The following TMC5 variants were observed in gnomAD, a reference collection of about 807,000 sequenced individuals.
The protein encoded by TMC5 is transmembrane channel like 5.
TMC5 carries 86 observed loss-of-function variants against 110.5 expected under a neutral mutation model. The ratio of observed to expected loss-of-function variants is 0.78; its 90% CI spans 0.65 to 0.93. The LOEUF (loss-of-function observed/expected upper bound fraction) is 0.93. Among genes scored for constraint, TMC5 ranks in the 40% least tolerant of loss-of-function variants. The pLI is 0.00. For missense variants in TMC5, 1,144 were observed against 1,222.8 expected, an observed-to-expected ratio of 0.94 and a Z score of 0.96; for synonymous variants, 455 against 439.5, an observed-to-expected ratio of 1.04 and a Z score of -0.44.
chr16:19,437,036 A>C (rs1012737085), intron 2 of TMC5, among the ~76,000 whole-genome samples: 1 of 152,146 alleles, frequency 6.6e-6, no homozygotes, highest in Non-Finnish European at 1.5e-5. Flanking sequence ...TTAACCAGGC[A>C]TAGTGGTGCA....
chr16:19,482,783 G>A lies in TMC5; in HGVS notation c.2363+1318G>A, dbSNP rs568707054. Among the ~76,000 whole-genome samples the A allele has an allele frequency of 6.6e-5, 10 of 152,252 alleles. No homozygotes were observed. The South Asian group carries it at 2.1e-3, about 32-fold the overall frequency. On this transcript the variant is annotated intron_variant, in intron 15 of 21. Transcript: ENST00000542583. ...CTGCGTGCATTGAGAATAGCCAACTGGTTGCAGCAAATATTTTTACAAACT... is the reference window on the plus strand; with the variant it reads ...CTGCGTGCATTGAGAATAGCCAACTAGTTGCAGCAAATATTTTTACAAACT...
intron 2 of TMC5, among the ~76,000 whole-genome samples, chr16:19,437,958 C>T (rs987633454): frequency 6.6e-6 from 1 of 152,110 alleles, no homozygotes; most frequent in Non-Finnish European, 1.5e-5. Context: ...ACTCTGTGGC[C>T]AGGGGGATGG....
At chr16:19,474,398 T>TA (rs34072254) in intron 12 of TMC5, 122 bp downstream of exon 12, 34,433 of 1,200,778 alleles carry the variant, frequency 0.029, 1,272 homozygotes, top group African/African-American at 0.16. Flanking sequence ...ATTTCAAAAG[T>TA]AAGGTGTGGC....
intron 3 of TMC5, 67 bp from the exon 4 acceptor site, chr16:19,444,009 ATGGAT>A: frequency 7.3e-7 from 1 of 1,377,498 alleles, no homozygotes; most frequent in Non-Finnish European, 1.0e-6. Flanking sequence ...GGATGGATGG[ATGGAT>A]GGATGGATGG....
Position 19,440,814 on chromosome 16 carries a change from A to C in TMC5, c.776A>C (p.Lys259Thr). ...GHDYGSSETP[K>T]MTRGVLSRTS... ...GATTATGGCTCTTCTGAGACCCCAA[A>C]GATGACCAGGGGGTAAGTTCAGATA... Residue 259 changes from lysine (K) to threonine (T), a missense_variant, in exon 3 of 22, where the codon AAG becomes ACG. Lys to Thr is a moderately conservative substitution (Grantham distance 78). Coordinates refer to ENST00000542583, the MANE Select transcript of TMC5 (RefSeq NM_001261841.2). 6.2e-7 allele frequency: 1 copy of C among 1,612,956 alleles called. No homozygotes were observed. Among genetic ancestry groups the C allele is most frequent in the Non-Finnish European group, 8.5e-7 (1 of 1,179,646 alleles).
Position 19,436,295 on chromosome 16 carries a change from A to AAAAG in TMC5, c.-79-3665_-79-3664insAAAG, listed in dbSNP as rs1491247478. ...AAAGAAAAAAAAAAAGAAAGGAAAA[A>AAAAG]GAAAAAGAAAAACAGTTTCCGTGAA... On this transcript the variant is annotated intron_variant, in intron 2 of 21. Coordinates refer to ENST00000542583, the MANE Select transcript of TMC5 (RefSeq NM_001261841.2). 2.3e-4 allele frequency among the ~76,000 whole-genome samples: 35 copies of AAAAG among 150,782 alleles called. No homozygotes were observed. In the East Asian group the frequency reaches 5.4e-3, roughly 23 times the overall value.
chr16:19,468,998 A>C (rs894103304), intron 9 of TMC5, among the ~76,000 whole-genome samples: 6 of 152,080 alleles, frequency 3.9e-5, no homozygotes, highest in South Asian at 4.1e-4. Context: ...TCCCTAAACA[A>C]ACAGAAAACA....
At chr16:19,497,197 A>T in intron 21 of TMC5, 34 bp downstream of exon 21, 1 of 1,595,360 alleles carries the variant, frequency 6.3e-7, no homozygotes, top group Non-Finnish European at 8.6e-7. Context: ...ATAAGACACT[A>T]ATTTATTTCT....
At chr16:19,443,105 T>G (rs1164903789) in intron 3 of TMC5, among the ~76,000 whole-genome samples, 1 of 152,192 alleles carries the variant, frequency 6.6e-6, no homozygotes, top group African/African-American at 2.4e-5. Flanking sequence ...TGCCTTGACC[T>G]TATACTCTAG....
intron 6 of TMC5, among the ~76,000 whole-genome samples, chr16:19,461,446 C>A (rs561428472): frequency 2.5e-4 from 38 of 152,022 alleles, no homozygotes; most frequent in African/African-American, 8.2e-4. Context: ...TGGTGGCATG[C>A]GCCTGTAATC....
chr16:19,493,249 T>C (rs1035944602), intron 19 of TMC5, among the ~76,000 whole-genome samples: 4 of 150,908 alleles, frequency 2.7e-5, no homozygotes, highest in African/African-American at 4.9e-5. Context: ...GTGTGAGCCA[T>C]CGCCCCCAGC....
At chr16:19,411,120 G>T (rs1251074298) in exon 1 of TMC5, 2 of 152,302 alleles carry the variant, frequency 1.3e-5, no homozygotes, top group Admixed American at 1.3e-4. Flanking sequence ...GCAGGTGCAG[G>T]AAGAAAAGAA....
At chr16:19,463,402 A>G in intron 7 of TMC5, 35 bp downstream of exon 7, 2 of 1,504,774 alleles carry the variant, frequency 1.3e-6, no homozygotes, top group Non-Finnish European at 1.9e-6. Flanking sequence ...AAGAGGGTGA[A>G]AACAGGGAGG....
At chr16:19,476,221 C>T (rs1968485033) in intron 12 of TMC5, among the ~76,000 whole-genome samples, 1 of 152,018 alleles carries the variant, frequency 6.6e-6, no homozygotes, top group Admixed American at 6.6e-5. Context: ...GTGGATTGCA[C>T]CTGTAGTCCC....
intron 2 of TMC5, among the ~76,000 whole-genome samples, chr16:19,437,153 C>A (rs898295465): frequency 6.6e-6 from 1 of 152,142 alleles, no homozygotes; most frequent in Non-Finnish European, 1.5e-5. Flanking sequence ...CTAGCCTGGA[C>A]GGCAGAGTGA....
chr16:19,469,676 T>C lies in TMC5; in HGVS notation c.1638-5T>C, dbSNP rs1262925380. 6.2e-7 allele frequency: 1 copy of C among 1,613,786 alleles called. No individual in the cohort carries two copies. On this transcript the variant is annotated splice_polypyrimidine_tract_variant and splice_region_variant and intron_variant, in intron 9 of 21. Coordinates refer to ENST00000542583, the MANE Select transcript of TMC5 (RefSeq NM_001261841.2). Reference sequence around the variant, plus strand: ...TTCAGGTGTTCTGCTTTCTGCCTTCTCTAGCATGGCCAAGTATTTCCGGAA... The same window carrying C: ...TTCAGGTGTTCTGCTTTCTGCCTTCCCTAGCATGGCCAAGTATTTCCGGAA...
At chr16:19,434,911 G>A (rs1438013845) in intron 2 of TMC5, among the ~76,000 whole-genome samples, 3 of 152,036 alleles carry the variant, frequency 2.0e-5, no homozygotes, top group African/African-American at 4.8e-5. Flanking sequence ...GCCAGCAAAC[G>A]GAAAGTAAGC....
At chr16:19,421,381 C>T (rs1597155403) in intron 1 of TMC5, among the ~76,000 whole-genome samples, 2 of 152,144 alleles carry the variant, frequency 1.3e-5, no homozygotes, top group South Asian at 2.1e-4. Context: ...TTTTCCCATG[C>T]TGTTCTCATG....
intron 9 of TMC5, 136 bp downstream of exon 9, chr16:19,466,369 TTAGA>T (rs1427136674): frequency 1.0e-6 from 1 of 960,790 alleles, no homozygotes; most frequent in East Asian, 2.6e-5. Context: ...CTTTTCTTTC[TTAGA>T]TAGAGTCTCG....
Sources: gnomAD v4.1 joint callset for allele counts (sites outside exome capture counted in the v4.1 genomes callset) on GRCh38, gnomAD v4.1.1 for gene constraint, MANE v1.5 for transcripts, NCBI Gene and HGNC (gene_info 2026-07-23, HGNC 2026-07-21) for gene names.